FMNL2: variants seen among roughly 807,000 people sequenced by gnomAD.
FMNL2 encodes the protein formin like 2, also known as formin-like protein 2.
In FMNL2, 51 loss-of-function variants were observed where a neutral mutation model predicts 130.2. The observed-to-expected ratio is 0.39, with a 90% confidence interval of 0.31 to 0.49. The LOEUF is 0.49. Ranked by LOEUF, FMNL2 falls within the 20% of genes least tolerant of loss-of-function variation. The pLI, the probability that FMNL2 is intolerant of heterozygous loss-of-function variation, is 0.85. For synonymous variants in FMNL2, 465 were observed against 467.1 expected (o/e 1.00, Z 0.06); for missense variants, 977 against 1,316.2 (o/e 0.74, Z 3.99).
intron 1 of FMNL2, among the ~76,000 whole-genome samples, chr2:152,422,024 GTT>G (rs1266488619): frequency 6.6e-6 from 1 of 152,148 alleles, no homozygotes; most frequent in African/African-American, 2.4e-5. Flanking sequence ...AAAATAAACT[GTT>G]TTAGGCCATG....
intron 2 of FMNL2, among the ~76,000 whole-genome samples, chr2:152,541,422 C>CT (rs35793391): frequency 2.0e-4 from 30 of 152,044 alleles, no homozygotes; most frequent in African/African-American, 3.9e-4. Flanking sequence ...CTGATTTAAA[C>CT]TTTTTTTTGT....
Position 152,575,196 on chromosome 2 carries a change from T to G in FMNL2, c.657T>G (p.Asp219Glu), listed in dbSNP as rs763399880. The change falls in exon 7 of 26, where the codon GAT becomes GAG. Residue 219 changes from aspartate to glutamate, a missense_variant. Asp to Glu is a conservative substitution (Grantham distance 45, BLOSUM62 2). Transcript: ENST00000288670. ...ATTCAAGATTAGTGAGTAAGAAAGA[T>G]GATGTGCATGTCTGTATCATGTGTT... is the stretch of plus-strand genomic sequence containing the variant. ...LKNSRLVSKKDDVHVCIMCLR... is the reference protein window; with the variant it reads ...LKNSRLVSKKEDVHVCIMCLR... The G allele has an allele frequency of 6.2e-7, 1 of 1,607,842 alleles. No individual in the cohort carries two copies. The highest frequency in any genetic ancestry group is 8.5e-7 in the Non-Finnish European group (1 of 1,176,848).
At chr2:152,432,240 A>G (rs773729161) in intron 1 of FMNL2, among the ~76,000 whole-genome samples, 4 of 151,638 alleles carry the variant, frequency 2.6e-5, no homozygotes, top group Admixed American at 6.6e-5. Flanking sequence ...GTCTCAGATG[A>G]TTCTGTCTTC....
At chr2:152,468,348 A>G (rs1689667583) in intron 1 of FMNL2, among the ~76,000 whole-genome samples, 1 of 152,242 alleles carries the variant, frequency 6.6e-6, no homozygotes, top group Non-Finnish European at 1.5e-5. Context: ...AGTGTAACCT[A>G]GGAGCAAACA....
At chr2:152,569,828 G>A (rs1274632972) in intron 6 of FMNL2, among the ~76,000 whole-genome samples, 1 of 151,764 alleles carries the variant, frequency 6.6e-6, no homozygotes, top group African/African-American at 2.4e-5. Context: ...GGCCAACATG[G>A]TGAAACCCCA....
intron 9 of FMNL2, among the ~76,000 whole-genome samples, chr2:152,588,020 AG>A (rs1697182516): frequency 6.6e-6 from 1 of 152,176 alleles, no homozygotes; most frequent in Non-Finnish European, 1.5e-5. Flanking sequence ...CTTATAGGAG[AG>A]GGTGCCTGAA....
At chr2:152,367,765 T>C (rs1274006518) in intron 1 of FMNL2, among the ~76,000 whole-genome samples, 1 of 152,234 alleles carries the variant, frequency 6.6e-6, no homozygotes, top group African/African-American at 2.4e-5. Flanking sequence ...ATCTTTAAGC[T>C]AATTTGTTGA....
chr2:152,551,990 C>A (rs1055057516), intron 4 of FMNL2, among the ~76,000 whole-genome samples: 11 of 152,138 alleles, frequency 7.2e-5, no homozygotes, highest in African/African-American at 2.7e-4. Flanking sequence ...AGAGTGAGAC[C>A]CTGTCTCTAA....
intron 1 of FMNL2, among the ~76,000 whole-genome samples, chr2:152,441,861 G>A (rs964100764): frequency 6.6e-6 from 1 of 151,872 alleles, no homozygotes; most frequent in Non-Finnish European, 1.5e-5. Flanking sequence ...AGAGGGACTT[G>A]GAGCAGTAGA....
chr2:152,611,927 A>G (rs769045599), intron 11 of FMNL2, among the ~76,000 whole-genome samples: 8 of 152,018 alleles, frequency 5.3e-5, no homozygotes, highest in Non-Finnish European at 1.2e-4. Context: ...CATCTGGGCT[A>G]TTGGGCAATT....
chr2:152,599,468 A>G (rs1335129830), intron 9 of FMNL2, among the ~76,000 whole-genome samples: 1 of 113,452 alleles, frequency 8.8e-6, no homozygotes, highest in Non-Finnish European at 1.7e-5. Flanking sequence ...TTTCTCATTG[A>G]AGGGGTGATG....
At chr2:152,447,316 C>T (rs1688399982) in intron 1 of FMNL2, among the ~76,000 whole-genome samples, 1 of 152,008 alleles carries the variant, frequency 6.6e-6, no homozygotes, top group Non-Finnish European at 1.5e-5. Flanking sequence ...TTGCCCAGGC[C>T]GATCTTGAAC....
Position 152,590,005 on chromosome 2 carries a change from A to G in FMNL2, c.876+8956A>G, listed in dbSNP as rs1396772648. ...TATATGTATATGTATATGTATATATATATACATATACATATATATATACAT... is the reference window on the plus strand; with the variant it reads ...TATATGTATATGTATATGTATATATGTATACATATACATATATATATACAT... On this transcript the variant is annotated intron_variant, in intron 9 of 25. Transcript: ENST00000288670. 4.6e-4 allele frequency among the ~76,000 whole-genome samples: 64 copies of G among 138,142 alleles called. 2 individuals are homozygous for G. The highest frequency in any genetic ancestry group is 1.6e-3 in the African/African-American group (59 of 36,756). The allele number at this position is 138,142 out of a possible 152,430, so 90.6% of individuals were successfully genotyped here.
chr2:152,445,066 C>T (rs1688264123), intron 1 of FMNL2, among the ~76,000 whole-genome samples: 1 of 152,218 alleles, frequency 6.6e-6, no homozygotes. Context: ...CCAGGAGTCT[C>T]CTTGAATCCC....
intron 1 of FMNL2, among the ~76,000 whole-genome samples, chr2:152,494,347 G>A (rs1201744315): frequency 2.6e-5 from 4 of 152,214 alleles, no homozygotes; most frequent in African/African-American, 9.6e-5. Context: ...ACTTGGGACA[G>A]AGCTGACAAA....
intron 6 of FMNL2, among the ~76,000 whole-genome samples, chr2:152,564,779 T>TTTTTTTTTG (rs1553477808): frequency 1.5e-5 from 2 of 131,072 alleles, no homozygotes; most frequent in African/African-American, 2.8e-5. Flanking sequence ...AAGGTTGGTT[T>TTTTTTTTTG]TTTTTTTTTT....
chr2:152,489,637 A>C (rs902763502), intron 1 of FMNL2, among the ~76,000 whole-genome samples: 1 of 152,232 alleles, frequency 6.6e-6, no homozygotes, highest in African/African-American at 2.4e-5. Context: ...AAAGGCTTGG[A>C]GGAGGCTGTG....
intron 1 of FMNL2, among the ~76,000 whole-genome samples, chr2:152,395,187 G>T (rs1010599185): frequency 5.3e-5 from 8 of 152,164 alleles, no homozygotes; most frequent in Admixed American, 2.6e-4. Context: ...CGGTCAGCCC[G>T]TATTTCCAGA....
chr2:152,513,364 T>TA (rs1237391959), intron 1 of FMNL2, among the ~76,000 whole-genome samples: 2 of 152,216 alleles, frequency 1.3e-5, no homozygotes, highest in African/African-American at 2.4e-5. Flanking sequence ...ACAGTATTGT[T>TA]AACTAGAGTC....
Sources: allele counts gnomAD v4.1 joint callset (sites outside exome capture counted in the v4.1 genomes callset), GRCh38; gene constraint gnomAD v4.1.1; transcripts MANE v1.5; gene names NCBI Gene and HGNC (gene_info 2026-07-23, HGNC 2026-07-21).